SGK2: variants seen among roughly 807,000 people sequenced by gnomAD.
SGK2 encodes the protein serine/threonine-protein kinase Sgk2.
In SGK2, 36 loss-of-function variants were observed where a neutral mutation model predicts 47.5. The observed-to-expected ratio is 0.76, with a 90% CI of 0.58 to 1.00. SGK2 has a LOEUF of 1.00. SGK2 is among the 50% of genes least tolerant of loss of function. The pLI, the probability that SGK2 is intolerant of heterozygous loss-of-function variation, is 0.00. For missense variants in SGK2, 404 were observed against 467.4 expected (o/e 0.86, Z 1.25); for synonymous variants, 157 against 181.9 (o/e 0.86, Z 1.10).
intron 1 of SGK2, among the ~76,000 whole-genome samples, chr20:43,562,733 CTT>C (rs1487298524): frequency 6.6e-6 from 1 of 152,130 alleles, no homozygotes; most frequent in Non-Finnish European, 1.5e-5. Context: ...GAGTGAGACT[CTT>C]TCTTAAAAAA....
intron 1 of SGK2, among the ~76,000 whole-genome samples, chr20:43,560,600 G>A (rs1979324129): frequency 6.6e-6 from 1 of 151,844 alleles, no homozygotes; most frequent in South Asian, 2.1e-4. Context: ...TCACAAATGT[G>A]TACGTGCAGA....
intron 11 of SGK2, among the ~76,000 whole-genome samples, chr20:43,577,640 T>G (rs1264619228): frequency 6.7e-6 from 1 of 148,476 alleles, no homozygotes; most frequent in East Asian, 2.0e-4. Flanking sequence ...TGAGCTACCA[T>G]GCTTGGCCTT....
In SGK2 at chr20:43,566,529, C is replaced by T. The variant is rs1433631652; in HGVS notation, c.34C>T (p.Gln12Ter). The T allele has an allele frequency of 1.2e-6, 2 of 1,610,490 alleles. No individual in the cohort carries two copies. The highest frequency in any genetic ancestry group is 1.3e-5 in the African/African-American group (1 of 75,010). The change falls in exon 2 of 13, where the codon CAG becomes TAG. Residue 12 changes from glutamine (Q) to a stop codon, truncating the protein, a stop_gained and splice_region_variant. Transcript: ENST00000373100. LOFTEE classifies it high-confidence loss of function. ...TAGCCCAGCTGGGACCCCAAGTCCACAGGTGAGTGGTTCTTGGTCCCCCAC... is the reference window on the plus strand; with the variant it reads ...TAGCCCAGCTGGGACCCCAAGTCCATAGGTGAGTGGTTCTTGGTCCCCCAC... Reference protein sequence around the residue: ...NSSPAGTPSPQPSRANGNINL... With the variant: ...NSSPAGTPSP
chr20:43,581,956 T>C (rs1170456232), intron 12 of SGK2, among the ~76,000 whole-genome samples: 1 of 152,284 alleles, frequency 6.6e-6, no homozygotes, highest in Non-Finnish European at 1.5e-5. Context: ...GGTTATTGTT[T>C]TTTACTTTGC....
Position 43,566,664 on chromosome 20 carries a change from G to A in SGK2, c.36+133G>A, listed in dbSNP as rs76801994. The A allele has an allele frequency of 1.9e-3, 1,217 of 631,348 alleles. 38 individuals are homozygous for A. In the East Asian group the frequency reaches 0.026, roughly 14 times the overall value. The allele number at this position is 631,348 out of a possible 1,614,324, so 39.1% of individuals were successfully genotyped here. A position where few individuals can be genotyped will look rare whatever the true frequency, so the allele number is the denominator to read the frequency against. ...GCACATAGAAATGAGCCACTTGCAGGGTGAATAGAGTAGAGATTTGAAATA... is the reference window on the plus strand; with the variant it reads ...GCACATAGAAATGAGCCACTTGCAGAGTGAATAGAGTAGAGATTTGAAATA... On this transcript the variant is annotated intron_variant, in intron 2 of 12. Transcript: ENST00000373100.
At chr20:43,576,109 G>A (rs1189874195) in intron 10 of SGK2, 115 bp from the exon 11 acceptor site, 12 of 1,218,096 alleles carry the variant, frequency 9.9e-6, no homozygotes, top group Non-Finnish European at 1.2e-6. Flanking sequence ...GCGAGCCATT[G>A]CACAAGACAG....
At chr20:43,567,528 G>A in intron 3 of SGK2, 137 bp from the exon 4 acceptor site, 1 of 748,784 alleles carries the variant, frequency 1.3e-6, no homozygotes, top group South Asian at 1.7e-5. Context: ...GGGTTCTTCG[G>A]GGGTGAGGAG....
chr20:43,564,585 A>G (rs1023064214), intron 1 of SGK2, among the ~76,000 whole-genome samples: 2 of 152,152 alleles, frequency 1.3e-5, no homozygotes, highest in Non-Finnish European at 2.9e-5. Context: ...ACACATATTA[A>G]TAGACACCCA....
rs140472846 is a variant in SGK2, at chr20:43,568,466, T to A, written c.228+467T>A. Among the ~76,000 whole-genome samples, 133 of 150,148 alleles carry A rather than the reference T, an allele frequency of 8.9e-4. 1 individual carries two copies. In the East Asian group the frequency reaches 0.025, roughly 29 times the overall value. ...GCTGGGGTTAGAGGCATGAGCTACATGCACAGCACATCATGGACTTCTTTT... is the reference window on the plus strand; with the variant it reads ...GCTGGGGTTAGAGGCATGAGCTACAAGCACAGCACATCATGGACTTCTTTT... On this transcript the variant is annotated intron_variant, in intron 5 of 12. Coordinates refer to ENST00000373100, the MANE Select transcript of SGK2 (RefSeq NM_170693.3).
At chr20:43,584,749 C>T in intron 12 of SGK2, 103 bp from the exon 13 acceptor site, 1 of 824,066 alleles carries the variant, frequency 1.2e-6, no homozygotes, top group African/African-American at 1.7e-5. Context: ...GACTGTGAAG[C>T]ATGGGGCACT....
At chr20:43,570,881 C>G in intron 7 of SGK2, 143 bp from the exon 8 acceptor site, 1 of 1,403,128 alleles carries the variant, frequency 7.1e-7, no homozygotes, top group Non-Finnish European at 9.9e-7. Flanking sequence ...GTCCAAGTGC[C>G]CAGCCTTTCT....
At chr20:43,562,328 G>T (rs1979437602) in intron 1 of SGK2, among the ~76,000 whole-genome samples, 1 of 141,790 alleles carries the variant, frequency 7.1e-6, no homozygotes, top group African/African-American at 2.6e-5. Flanking sequence ...TGAGGTGGGA[G>T]AATAGCTTGA....
chr20:43,573,286 C>G (rs549182710), intron 9 of SGK2, among the ~76,000 whole-genome samples: 3 of 152,120 alleles, frequency 2.0e-5, no homozygotes, highest in African/African-American at 7.2e-5. Flanking sequence ...GTCAGGAGTT[C>G]GACACCAGCC....
At chr20:43,561,607 T>C (rs949454361) in intron 1 of SGK2, among the ~76,000 whole-genome samples, 1 of 151,856 alleles carries the variant, frequency 6.6e-6, no homozygotes, top group Non-Finnish European at 1.5e-5. Context: ...CCAGGATGGT[T>C]TCGATCTCTG....
At chr20:43,570,464 G>A (rs1980025129) in intron 6 of SGK2, among the ~76,000 whole-genome samples, 153 bp from the exon 7 acceptor site, 1 of 152,256 alleles carries the variant, frequency 6.6e-6, no homozygotes, top group Non-Finnish European at 1.5e-5. Context: ...GGACTGCTGT[G>A]TGGGGCAGGG....
At chr20:43,565,758 C>A (rs1335663354) in intron 1 of SGK2, 1 of 152,332 alleles carries the variant, frequency 6.6e-6, no homozygotes, top group Non-Finnish European at 1.5e-5. Context: ...CCCCGTCTCC[C>A]CTGCAGGGTG....
Position 43,567,910 on chromosome 20 carries a change from T to G in SGK2, c.145-6T>G, listed in dbSNP as rs2067061. On this transcript the variant is annotated splice_region_variant and splice_polypyrimidine_tract_variant and intron_variant, in intron 4 of 12. Coordinates refer to ENST00000373100, the MANE Select transcript of SGK2 (RefSeq NM_170693.3). Reference sequence around the variant, plus strand: ...TACAGGGCCTCAAATTCATGTTTCTTCTCAGGTCCTACTGGCCAAGCGCAA... The same window carrying G: ...TACAGGGCCTCAAATTCATGTTTCTGCTCAGGTCCTACTGGCCAAGCGCAA... 567,485 of 1,611,754 alleles carry G rather than the reference T, an allele frequency of 0.35. 105,742 individuals are homozygous for G. The highest frequency in any genetic ancestry group is 0.7 in the African/African-American group (52,043 of 74,870).
chr20:43,581,917 T>C (rs1263638293), intron 12 of SGK2, among the ~76,000 whole-genome samples: 3 of 152,272 alleles, frequency 2.0e-5, no homozygotes, highest in African/African-American at 7.2e-5. Context: ...TGGAGAGTTC[T>C]CATCTTGCTT....
At chr20:43,570,132 C>T (rs1328878846) in intron 6 of SGK2, among the ~76,000 whole-genome samples, 1 of 152,114 alleles carries the variant, frequency 6.6e-6, no homozygotes, top group African/African-American at 2.4e-5. Flanking sequence ...AAACATTGGC[C>T]CATGGGTGGA....
Sources: allele counts gnomAD v4.1 joint callset (sites outside exome capture counted in the v4.1 genomes callset), GRCh38; gene constraint gnomAD v4.1.1; transcripts MANE v1.5; gene names NCBI Gene and HGNC (gene_info 2026-07-23, HGNC 2026-07-21).